DEPTOR: variants seen among roughly 807,000 people sequenced by gnomAD.
DEPTOR encodes DEP domain-containing mTOR-interacting protein.
A neutral mutation model predicts 41.6 loss-of-function variants in DEPTOR; 41 were observed. That is an observed-to-expected ratio of 0.98 (90% confidence interval 0.77 to 1.28). The LOEUF (loss-of-function observed/expected upper bound fraction) is 1.28, where lower values mean the gene tolerates loss of function less well. Ranked by LOEUF, DEPTOR falls within the 50% of genes most tolerant of loss-of-function variation. DEPTOR has a pLI of 0.00. For missense variants in DEPTOR, 514 were observed against 527.9 expected (o/e 0.97, Z 0.26); for synonymous variants, 195 against 192.3 (o/e 1.01, Z -0.12).
intron 1 of DEPTOR, among the ~76,000 whole-genome samples, chr8:119,901,188 A>C (rs764745080): frequency 3.9e-5 from 6 of 152,144 alleles, no homozygotes; most frequent in Non-Finnish European, 7.3e-5. Context: ...TATTTATGCA[A>C]TTCTCTCATG....
intron 8 of DEPTOR, among the ~76,000 whole-genome samples, chr8:120,039,053 C>T (rs577218062): frequency 5.9e-5 from 9 of 152,302 alleles, no homozygotes; most frequent in Admixed American, 4.6e-4. Context: ...CCTCCAAATT[C>T]ATATGCTAAA....
At chr8:119,991,050 C>CTT (rs1370450753) in intron 4 of DEPTOR, among the ~76,000 whole-genome samples, 1 of 22,736 alleles carries the variant, frequency 4.4e-5, no homozygotes, top group African/African-American at 1.8e-4. Context: ...TTCTTTCTTT[C>CTT]TTTCTTTCTT....
At chr8:119,886,512 G>C (rs947536136) in intron 1 of DEPTOR, among the ~76,000 whole-genome samples, 8 of 150,710 alleles carry the variant, frequency 5.3e-5, no homozygotes, top group Non-Finnish European at 7.4e-5. Context: ...TATACACACA[G>C]ATACACACAC....
At chr8:119,979,969 G>C (rs181267373) in intron 4 of DEPTOR, among the ~76,000 whole-genome samples, 104 of 152,180 alleles carry the variant, frequency 6.8e-4, no homozygotes, top group Non-Finnish European at 2.2e-4. Flanking sequence ...GCTTGTTCAG[G>C]ACAAGGATCA....
At chr8:120,022,706 A>ATTT (rs5894508) in intron 8 of DEPTOR, among the ~76,000 whole-genome samples, 5 of 150,964 alleles carry the variant, frequency 3.3e-5, no homozygotes, top group African/African-American at 1.2e-4. Flanking sequence ...ATCTATTTTA[A>ATTT]TTTTTTTTTC....
At chr8:119,977,836 T>A (rs896116214) in intron 4 of DEPTOR, among the ~76,000 whole-genome samples, 8 of 152,090 alleles carry the variant, frequency 5.3e-5, no homozygotes, top group Admixed American at 1.3e-4. Flanking sequence ...CTCTTTTTTT[T>A]AATTTAAAGA....
chr8:120,021,248 C>CA (rs2130137395), intron 8 of DEPTOR, among the ~76,000 whole-genome samples: 2 of 151,852 alleles, frequency 1.3e-5, no homozygotes, highest in Non-Finnish European at 2.9e-5. Context: ...ACTAAAAATA[C>CA]AAAAAATTAG....
At chr8:120,019,435 TGCCTCTTTCAAGTCA>T (rs1309734786) in intron 8 of DEPTOR, among the ~76,000 whole-genome samples, 1 of 152,246 alleles carries the variant, frequency 6.6e-6, no homozygotes, top group Non-Finnish European at 1.5e-5. Context: ...GACCCCCTTG[TGCCTCTTTCAAGTCA>T]GCCTCTTTCA....
intron 1 of DEPTOR, among the ~76,000 whole-genome samples, chr8:119,910,855 TTAA>T (rs1827727296): frequency 6.6e-6 from 1 of 152,086 alleles, no homozygotes; most frequent in East Asian, 1.9e-4. Flanking sequence ...ACTACGTGAG[TTAA>T]TGATGAGTAA....
intron 1 of DEPTOR, among the ~76,000 whole-genome samples, chr8:119,917,296 A>G (rs1398223906): frequency 1.3e-5 from 2 of 152,226 alleles, no homozygotes; most frequent in Non-Finnish European, 2.9e-5. Context: ...ACAGTACATG[A>G]TATATGAGAT....
intron 1 of DEPTOR, among the ~76,000 whole-genome samples, chr8:119,880,093 G>T (rs12677814): frequency 0.5 from 74,974 of 151,066 alleles, 20,205 homozygotes; most frequent in East Asian, 0.92. Flanking sequence ...AGTGAGCCGA[G>T]ATTGCGCCAC....
intron 3 of DEPTOR, among the ~76,000 whole-genome samples, chr8:119,953,590 C>CA (rs59533834): frequency 0.032 from 2,216 of 69,232 alleles, 57 homozygotes; most frequent in African/African-American, 0.1. Flanking sequence ...GACTCTGTCT[C>CA]AAAAAAAAAA....
intron 1 of DEPTOR, among the ~76,000 whole-genome samples, chr8:119,910,293 T>C (rs1371095763): frequency 6.8e-6 from 1 of 146,306 alleles, no homozygotes; most frequent in African/African-American, 2.5e-5. Context: ...TGCTTTTCAC[T>C]GGCTGTGTCT....
intron 4 of DEPTOR, among the ~76,000 whole-genome samples, chr8:119,987,895 C>A (rs542071076): frequency 1.4e-4 from 22 of 152,286 alleles, no homozygotes; most frequent in African/African-American, 5.3e-4. Context: ...CCCAGGTCGA[C>A]CTCTGACTGC....
intron 8 of DEPTOR, among the ~76,000 whole-genome samples, chr8:120,022,414 A>G (rs1445571994): frequency 2.6e-5 from 4 of 152,166 alleles, no homozygotes; most frequent in Middle Eastern, 6.3e-3. Flanking sequence ...TTTTTTAAAC[A>G]TCTTGGTACA....
In DEPTOR at chr8:120,030,497, G is replaced by GTTTTTTTTTTTTTTTTTT. The variant is rs1171655489; in HGVS notation, c.1102-19068_1102-19051dup. On this transcript the variant is annotated intron_variant, in intron 8 of 8. Coordinates refer to ENST00000286234, the MANE Select transcript of DEPTOR (RefSeq NM_022783.4). ...AATGATGTATTGTGTAGGTTCATCA[G>GTTTTTTTTTTTTTTTTTT]TTTTTTTTTTTTTTTTTTTTTTTTT... is the stretch of plus-strand genomic sequence containing the variant. Among the ~76,000 whole-genome samples the GTTTTTTTTTTTTTTTTTT allele has an allele frequency of 4.5e-3, 206 of 46,210 alleles. 49 individuals are homozygous for GTTTTTTTTTTTTTTTTTT. The highest frequency in any genetic ancestry group is 5.8e-3 in the Non-Finnish European group (157 of 26,950). 30.3% of individuals were successfully genotyped at this position (46,210 alleles called of 152,430 possible). A position where few individuals can be genotyped will look rare whatever the true frequency, so the allele number is the denominator to read the frequency against.
At chr8:120,003,237 G>A in intron 6 of DEPTOR, 126 bp downstream of exon 6, 1 of 1,461,614 alleles carries the variant, frequency 6.8e-7, no homozygotes, top group Non-Finnish European at 9.1e-7. Context: ...TGCTCTTGGG[G>A]TCCACACGTG....
intron 1 of DEPTOR, among the ~76,000 whole-genome samples, chr8:119,913,069 T>C (rs6469873): frequency 0.72 from 109,131 of 151,904 alleles, 39,649 homozygotes; most frequent in East Asian, 0.95. Flanking sequence ...TACAGGCACC[T>C]ACCACCACAC....
intron 1 of DEPTOR, among the ~76,000 whole-genome samples, chr8:119,923,356 A>G (rs1248305407): frequency 6.6e-6 from 1 of 151,784 alleles, no homozygotes; most frequent in Non-Finnish European, 1.5e-5. Context: ...TGATGCTCCC[A>G]CTTCAGCCTC....
Sources: allele counts gnomAD v4.1 joint callset (sites outside exome capture counted in the v4.1 genomes callset), GRCh38; gene constraint gnomAD v4.1.1; transcripts MANE v1.5; gene names NCBI Gene and HGNC (gene_info 2026-07-23, HGNC 2026-07-21).